ANO2: variants seen among roughly 807,000 people sequenced by gnomAD.
ANO2 encodes anoctamin-2.
A neutral mutation model predicts 124.2 loss-of-function variants in ANO2; 101 were observed. The ratio of observed to expected loss-of-function variants is 0.81; its 90% confidence interval spans 0.69 to 0.96. The LOEUF is 0.96. Ranked by LOEUF, ANO2 falls within the 40% of genes least tolerant of loss-of-function variation. The pLI is 0.00. For missense variants in ANO2, 1,293 were observed against 1,274.5 expected (o/e 1.01, Z -0.22); for synonymous variants, 486 against 482.5 (o/e 1.01, Z -0.09).
At chr12:5,866,371 T>C (rs1037585489) in intron 3 of ANO2, among the ~76,000 whole-genome samples, 1 of 152,198 alleles carries the variant, frequency 6.6e-6, no homozygotes, top group African/African-American at 2.4e-5. Flanking sequence ...TCATGGGAGC[T>C]GAGGGATCAA....
At chr12:5,944,857 C>T (rs931989381) in intron 1 of ANO2, among the ~76,000 whole-genome samples, 4 of 152,086 alleles carry the variant, frequency 2.6e-5, no homozygotes, top group African/African-American at 9.7e-5. Flanking sequence ...GGCTAAACGT[C>T]CCCAGGACTT....
At chr12:5,754,907 T>C (rs577515538) in intron 10 of ANO2, among the ~76,000 whole-genome samples, 1 of 152,220 alleles carries the variant, frequency 6.6e-6, no homozygotes, top group Non-Finnish European at 1.5e-5. Flanking sequence ...CTGTCTTATA[T>C]TTATTTATCC....
At chr12:5,891,981 T>A (rs1565754911) in intron 3 of ANO2, among the ~76,000 whole-genome samples, 1 of 152,066 alleles carries the variant, frequency 6.6e-6, no homozygotes. Flanking sequence ...ATTGGACTTA[T>A]CTGACCAATG....
At chr12:5,671,555 G>A (rs953254752) in intron 14 of ANO2, among the ~76,000 whole-genome samples, 2 of 152,016 alleles carry the variant, frequency 1.3e-5, no homozygotes, top group Non-Finnish European at 2.9e-5. Context: ...CAGGGCAGAG[G>A]GGGCAGGTTG....
intron 14 of ANO2, among the ~76,000 whole-genome samples, chr12:5,700,151 C>T (rs545353256): frequency 6.6e-6 from 1 of 152,354 alleles, no homozygotes; most frequent in Admixed American, 6.5e-5. Flanking sequence ...TTCTCAGCAC[C>T]ACATTGTACT....
chr12:5,583,599 G>A (rs1330715177), intron 20 of ANO2, among the ~76,000 whole-genome samples: 1 of 134,804 alleles, frequency 7.4e-6, no homozygotes, highest in African/African-American at 2.8e-5. Context: ...CTTGCAGTGA[G>A]CCAAGATTGT....
At chr12:5,818,566 T>A (rs1178813417) in intron 7 of ANO2, among the ~76,000 whole-genome samples, 1 of 148,540 alleles carries the variant, frequency 6.7e-6, no homozygotes, top group Non-Finnish European at 1.5e-5. Flanking sequence ...ACAGATTTTC[T>A]ACCAGGAGTG....
At chr12:5,580,467 A>T (rs1390906469) in intron 20 of ANO2, among the ~76,000 whole-genome samples, 1 of 152,232 alleles carries the variant, frequency 6.6e-6, no homozygotes, top group East Asian at 1.9e-4. Flanking sequence ...TATGCTTCTA[A>T]CTAGAGGTAT....
intron 20 of ANO2, among the ~76,000 whole-genome samples, chr12:5,580,940 A>T (rs1441302209): frequency 6.6e-6 from 1 of 152,172 alleles, no homozygotes; most frequent in Non-Finnish European, 1.5e-5. Context: ...TAGAGTGATC[A>T]CCTGACTAGC....
In ANO2 at chr12:5,565,605, A is replaced by G; in HGVS notation, c.2680T>C (p.Tyr894His). Residue 894 changes from tyrosine to histidine, a missense_variant, in exon 24 of 25, where the codon TAC (tyrosine) becomes CAC (histidine). By Grantham distance (83) the Tyr-to-His change is moderately conservative. Coordinates refer to ENST00000682330, the MANE Select transcript of ANO2 (RefSeq NM_001364791.2). Reference protein sequence around the residue: ...APNPYEFSKQYWFILSARLAF... With the variant: ...APNPYEFSKQHWFILSARLAF... ...AGACGGGCGGACAGAATAAACCAGT[A>G]CTGTTTCGAAAACTCATAAGGGTTC... The G allele has an allele frequency of 1.9e-6, 3 of 1,606,274 alleles. No homozygotes were observed. The highest frequency in any genetic ancestry group is 2.6e-6 in the Non-Finnish European group (3 of 1,176,214).
chr12:5,931,200 G>A (rs369082785), intron 1 of ANO2, among the ~76,000 whole-genome samples: 16 of 152,106 alleles, frequency 1.1e-4, no homozygotes, highest in East Asian at 7.8e-4. Flanking sequence ...GATCGAGTCC[G>A]CACCTACCCG....
chr12:5,707,045 C>T (rs1949636823), intron 14 of ANO2, among the ~76,000 whole-genome samples: 1 of 152,086 alleles, frequency 6.6e-6, no homozygotes, highest in Non-Finnish European at 1.5e-5. Context: ...GTCTCTGTGT[C>T]CCCACCCAAA....
Position 5,837,199 on chromosome 12 carries a change from G to T in ANO2, c.634-4596C>A, listed in dbSNP as rs1257871549. Among the ~76,000 whole-genome samples the T allele has an allele frequency of 9.7e-5, 10 of 103,222 alleles. No homozygotes were observed. In the East Asian group the frequency reaches 1.8e-3, roughly 19 times the overall value. 67.7% of individuals were successfully genotyped at this position (103,222 alleles called of 152,430 possible). A position where few individuals can be genotyped will look rare whatever the true frequency, so the allele number is the denominator to read the frequency against. On this transcript the variant is annotated intron_variant, in intron 4 of 24. Transcript: ENST00000682330. ...ACCAAGTGCAAAGGCACCCAGGAGT[G>T]CAGCATCCACGGGGCCAGGAGTGCA...
intron 1 of ANO2, among the ~76,000 whole-genome samples, chr12:5,928,206 G>A (rs549622384): frequency 2.6e-5 from 4 of 152,274 alleles, no homozygotes; most frequent in Non-Finnish European, 5.9e-5. Context: ...TTTCCTCTGA[G>A]TTTCCCTCTT....
intron 3 of ANO2, among the ~76,000 whole-genome samples, chr12:5,920,229 A>G (rs138374442): frequency 1.3e-5 from 2 of 152,250 alleles, no homozygotes; most frequent in African/African-American, 2.4e-5. Context: ...AATATGTCCT[A>G]TGTATGTCCC....
chr12:5,797,632 T>A (rs1218742890), intron 10 of ANO2, among the ~76,000 whole-genome samples: 1 of 151,908 alleles, frequency 6.6e-6, no homozygotes, highest in Non-Finnish European at 1.5e-5. Context: ...GGTCAGAGAG[T>A]TCCTTATGCC....
chr12:5,679,262 G>A lies in ANO2; in HGVS notation c.1546-31461C>T, dbSNP rs542540342. Among the ~76,000 whole-genome samples, 93 of 152,210 alleles carry A rather than the reference G, an allele frequency of 6.1e-4. No homozygotes were observed. In the South Asian group the frequency reaches 0.018, roughly 30 times the overall value. Reference sequence around the variant, plus strand: ...CACGATGAAAATGTCAAAAGCAATCGCAACAAAAGCAAAAATTGACAAATA... The same window carrying A: ...CACGATGAAAATGTCAAAAGCAATCACAACAAAAGCAAAAATTGACAAATA... On this transcript the variant is annotated intron_variant, in intron 14 of 24. Coordinates refer to ENST00000682330, the MANE Select transcript of ANO2 (RefSeq NM_001364791.2).
intron 24 of ANO2, chr12:5,564,740 A>C (rs1425547522): frequency 3.3e-5 from 5 of 152,254 alleles, no homozygotes; most frequent in African/African-American, 1.2e-4. Context: ...CTGAGCGATC[A>C]TTCAAACATA....
chr12:5,576,792 C>T (rs971835365), intron 22 of ANO2, among the ~76,000 whole-genome samples: 2 of 152,184 alleles, frequency 1.3e-5, no homozygotes, highest in Non-Finnish European at 2.9e-5. Context: ...AAGCCCTTTA[C>T]CAAAATGTAG....
Sources: gnomAD v4.1 joint callset for allele counts (sites outside exome capture counted in the v4.1 genomes callset) on GRCh38, gnomAD v4.1.1 for gene constraint, MANE v1.5 for transcripts, NCBI Gene and HGNC (gene_info 2026-07-23, HGNC 2026-07-21) for gene names.